The following PRSS23 variants were observed in gnomAD, a reference collection of about 807,000 sequenced individuals.
PRSS23 encodes protease, serine 23.
Under a neutral mutation model 34.7 loss-of-function variants are expected in PRSS23, and 25 were observed. The observed-to-expected ratio is 0.72, with a 90% CI of 0.53 to 1.01. PRSS23 has a LOEUF of 1.01. Ranked by LOEUF, PRSS23 falls within the 50% of genes least tolerant of loss-of-function variation. PRSS23 has a pLI of 0.00. For synonymous variants in PRSS23, 176 were observed against 186.6 expected, an observed-to-expected ratio of 0.94 and a Z score of 0.46; for missense variants, 445 against 475.6, an observed-to-expected ratio of 0.94 and a Z score of 0.60.
chr11:86,844,562 G>A (rs1254530240), intron 2 of PRSS23, among the ~76,000 whole-genome samples: 2 of 152,174 alleles, frequency 1.3e-5, no homozygotes, highest in African/African-American at 2.4e-5. Flanking sequence ...AGTCTAAAAT[G>A]TGTGTCAGTC....
In PRSS23 at chr11:86,823,654, T is replaced by C. The variant is rs532888914; in HGVS notation, c.206+61T>C. 2.2e-5 allele frequency: 15 copies of C among 692,450 alleles called. No individual in the cohort carries two copies. The East Asian group carries it at 4.0e-4, about 19-fold the overall frequency. 42.9% of individuals were successfully genotyped at this position (692,450 alleles called of 1,614,324 possible). A position where few individuals can be genotyped will look rare whatever the true frequency, so the allele number is the denominator to read the frequency against. On this transcript the variant is annotated intron_variant, in intron 2 of 2. Transcript: ENST00000533902. ...TTAATGGTGCTTAAATCTTTTCATG[T>C]TTCCACATTTTCTAATGCATTTTAA...
At chr11:86,834,231 CA>C (rs1948384750) in intron 2 of PRSS23, among the ~76,000 whole-genome samples, 1 of 152,156 alleles carries the variant, frequency 6.6e-6, no homozygotes, top group African/African-American at 2.4e-5. Flanking sequence ...TGGGTGCTAT[CA>C]ATGCCTAAGT....
chr11:86,826,220 G>A (rs1948299620), intron 2 of PRSS23, among the ~76,000 whole-genome samples: 1 of 151,468 alleles, frequency 6.6e-6, no homozygotes, highest in Non-Finnish European at 1.5e-5. Context: ...GGATTCCTAG[G>A]TATTTTATTC....
chr11:86,796,784 C>T (rs1453327746), upstream of PRSS23, among the ~76,000 whole-genome samples: 3 of 151,986 alleles, frequency 2.0e-5, no homozygotes, highest in Non-Finnish European at 2.9e-5. Flanking sequence ...CTCATCTATA[C>T]AGTGGATATT....
chr11:86,810,669 G>A lies in PRSS23; in HGVS notation c.*1874G>A, dbSNP rs1948168324. 1.8e-5 allele frequency: 3 copies of A among 166,926 alleles called. No individual in the cohort carries two copies. In the South Asian group the frequency reaches 6.2e-4, roughly 35 times the overall value. 10.3% of individuals were successfully genotyped at this position (166,926 alleles called of 1,614,324 possible). A position where few individuals can be genotyped will look rare whatever the true frequency, so the allele number is the denominator to read the frequency against. On this transcript the variant is annotated 3_prime_UTR_variant, in exon 2 of 2. Coordinates refer to ENST00000280258, the MANE Select transcript of PRSS23 (RefSeq NM_007173.6). ...TTTTAAAAAAATAGATGTTCCTTTT[G>A]TGAAGCACCTTGATTCCTTGATTTT...
intron 2 of PRSS23, among the ~76,000 whole-genome samples, chr11:86,880,134 C>A (rs902623210): frequency 6.6e-6 from 1 of 152,288 alleles, no homozygotes; most frequent in African/African-American, 2.4e-5. Context: ...TCCTGTTGAT[C>A]GGTGACCTTA....
chr11:86,909,283 G>A (rs1244676958), intron 2 of PRSS23: 1 of 152,226 alleles, frequency 6.6e-6, no homozygotes, highest in Admixed American at 6.5e-5. Context: ...CCCTATTTCA[G>A]TAAAAAGAGG....
At chr11:86,952,637 T>C in exon 3 of PRSS23, 1 of 652,582 alleles carries the variant, frequency 1.5e-6, no homozygotes, top group Non-Finnish European at 2.7e-6. Context: ...CAAGGGCGCC[T>C]GATAATCCAT....
chr11:86,826,949 A>T (rs1948306529), intron 2 of PRSS23, among the ~76,000 whole-genome samples: 1 of 152,266 alleles, frequency 6.6e-6, no homozygotes, highest in Admixed American at 6.5e-5. Context: ...TTGGTCTAAA[A>T]TTCTCTTTTT....
intron 2 of PRSS23, among the ~76,000 whole-genome samples, chr11:86,918,518 T>G (rs567158641): frequency 2.6e-5 from 4 of 152,362 alleles, no homozygotes; most frequent in African/African-American, 7.2e-5. Context: ...TCACCACCAT[T>G]AAAATCCCCA....
intron 2 of PRSS23, among the ~76,000 whole-genome samples, chr11:86,927,737 C>T (rs1411560824): frequency 1.3e-5 from 2 of 152,104 alleles, no homozygotes; most frequent in African/African-American, 4.8e-5. Flanking sequence ...AAAAAGAATA[C>T]TAGGCCGGGC....
chr11:86,948,818 T>G (rs1949265489), intron 2 of PRSS23: 1 of 152,554 alleles, frequency 6.6e-6, no homozygotes, highest in Non-Finnish European at 1.5e-5. Flanking sequence ...TGAAGAAAAC[T>G]GCATTACAAA....
intron 2 of PRSS23, among the ~76,000 whole-genome samples, chr11:86,888,333 T>C (rs1041836129): frequency 2.1e-4 from 32 of 152,196 alleles, no homozygotes; most frequent in African/African-American, 7.5e-4. Context: ...CTCCAGAGTG[T>C]AGGGAGTACT....
intron 2 of PRSS23, among the ~76,000 whole-genome samples, chr11:86,867,465 T>C (rs1404676996): frequency 1.3e-5 from 2 of 152,116 alleles, no homozygotes. Flanking sequence ...CTTTGTAGAG[T>C]GTACATACTG....
rs143020784 is a variant in PRSS23, at chr11:86,887,911, G to A, written c.207-63305G>A. 6.7e-3 allele frequency among the ~76,000 whole-genome samples: 1,015 copies of A among 152,194 alleles called. 7 individuals are homozygous for A. Among genetic ancestry groups the A allele is most frequent in the Non-Finnish European group, 8.9e-3 (608 of 68,012 alleles). ...TACTAAAAATACAAAATTTAGCCGT[G>A]TGTGGTGGCGGGCGCCTGTAATCCC... is the stretch of plus-strand genomic sequence containing the variant. On this transcript the variant is annotated intron_variant, in intron 2 of 2. Transcript: ENST00000533902.
At chr11:86,933,916 T>C (rs1949143273) in intron 2 of PRSS23, 1 of 152,226 alleles carries the variant, frequency 6.6e-6, no homozygotes, top group South Asian at 2.1e-4. Context: ...GGATTATATA[T>C]GTATTTACTT....
intron 2 of PRSS23, among the ~76,000 whole-genome samples, chr11:86,831,583 T>G (rs987586152): frequency 2.0e-5 from 3 of 151,964 alleles, no homozygotes; most frequent in Non-Finnish European, 2.9e-5. Context: ...TGTAATATTA[T>G]TCATAATATC....
At chr11:86,856,706 A>G (rs1041660308) in intron 2 of PRSS23, among the ~76,000 whole-genome samples, 3 of 152,228 alleles carry the variant, frequency 2.0e-5, no homozygotes, top group Non-Finnish European at 2.9e-5. Flanking sequence ...CATGCTGCAC[A>G]TTGTTTCCAT....
At chr11:86,861,522 T>G (rs1948615129) in intron 2 of PRSS23, among the ~76,000 whole-genome samples, 1 of 151,824 alleles carries the variant, frequency 6.6e-6, no homozygotes, top group Non-Finnish European at 1.5e-5. Context: ...CTTGTGATAT[T>G]GTTCATAATA....
Sources: gnomAD v4.1 joint callset for allele counts (sites outside exome capture counted in the v4.1 genomes callset) on GRCh38, gnomAD v4.1.1 for gene constraint, MANE v1.5 for transcripts, NCBI Gene and HGNC (gene_info 2026-07-23, HGNC 2026-07-21) for gene names.